The following ASIC1 variants were observed in gnomAD, a reference collection of about 807,000 sequenced individuals.
ASIC1 encodes acid sensing ion channel subunit 1.
Under a neutral mutation model 63.4 loss-of-function variants are expected in ASIC1, and 21 were observed. That is an observed-to-expected ratio of 0.33 (90% CI 0.23 to 0.48). The LOEUF (loss-of-function observed/expected upper bound fraction) is 0.48, where lower values mean the gene tolerates loss of function less well. Ranked by LOEUF, ASIC1 falls within the 20% of genes least tolerant of loss-of-function variation. ASIC1 has a pLI of 0.99. For missense variants in ASIC1, 478 were observed against 695.5 expected (o/e 0.69, Z 3.52); for synonymous variants, 258 against 278.2 (o/e 0.93, Z 0.72).
chr12:50,070,814 A>G (rs1950592183), intron 3 of ASIC1: 1 of 152,370 alleles, frequency 6.6e-6, no homozygotes, highest in African/African-American at 2.4e-5. Flanking sequence ...AGAGCTCAAG[A>G]TCTGGCAGGC....
At chr12:50,058,639 C>A in intron 1 of ASIC1, 112 bp from the exon 2 acceptor site, 2 of 1,359,968 alleles carry the variant, frequency 1.5e-6, no homozygotes, top group Non-Finnish European at 2.0e-6. Flanking sequence ...AGTCTTCTGC[C>A]CGAGGAGTGG....
intron 3 of ASIC1, among the ~76,000 whole-genome samples, chr12:50,063,664 G>A (rs796963417): frequency 3.2e-4 from 48 of 152,202 alleles, no homozygotes; most frequent in African/African-American, 1.1e-3. Flanking sequence ...AGCCTCCCCT[G>A]CAATCCACTG....
In ASIC1 at chr12:50,059,251, C is replaced by G. The variant is rs1950477902; in HGVS notation, c.362+123C>G. On this transcript the variant is annotated intron_variant, in intron 2 of 11. Transcript: ENST00000447966. This position sits in a 1 kb window ranked among gnomAD's most constrained non-coding sequence, Gnocchi z 4.6. ...CCTGCCCTTTAACCCACCCCCACCC[C>G]CAAACCTGCCACTCACAGCAGAGGA... 7.4e-7 allele frequency: 1 copy of G among 1,354,704 alleles called. No homozygotes were observed. Among genetic ancestry groups the G allele is most frequent in the Non-Finnish European group, 9.9e-7 (1 of 1,007,882 alleles). 83.9% of individuals were successfully genotyped at this position (1,354,704 alleles called of 1,614,324 possible).
chr12:50,075,047 C>T (rs1950640699), intron 3 of ASIC1, among the ~76,000 whole-genome samples: 1 of 152,000 alleles, frequency 6.6e-6, no homozygotes, highest in South Asian at 2.1e-4. Context: ...GCTTTCCCTG[C>T]TGGGGGGCCA....
intron 3 of ASIC1, among the ~76,000 whole-genome samples, chr12:50,069,286 TTATTTATTATTTA>T (rs1950576364): frequency 6.8e-6 from 1 of 146,310 alleles, no homozygotes; most frequent in Non-Finnish European, 1.5e-5. Context: ...ATTTATTTAT[TTATTTATTATTTA>T]ATTTATTTTT....
At chr12:50,069,240 CTTTA>C (rs533353275) in intron 3 of ASIC1, among the ~76,000 whole-genome samples, 129 of 149,010 alleles carry the variant, frequency 8.7e-4, no homozygotes, top group East Asian at 6.4e-3. Context: ...AATTACTCCT[CTTTA>C]TTTATTTTTT....
At chr12:50,073,433 G>A in intron 3 of ASIC1, 1 of 1,405,556 alleles carries the variant, frequency 7.1e-7, no homozygotes. Flanking sequence ...AGAGGCCCTG[G>A]TGAGGAAGGA....
intron 11 of ASIC1, 59 bp downstream of exon 11, chr12:50,081,423 C>A: frequency 6.7e-7 from 1 of 1,491,644 alleles, no homozygotes; most frequent in Admixed American, 2.0e-5. Context: ...CCCCAGGAAC[C>A]CCGTCCACCC....
rs1385902338 is a variant in ASIC1, at chr12:50,078,800, T to TG, written c.995-119dup. On this transcript the variant is annotated intron_variant, in intron 6 of 11. Transcript: ENST00000447966. This position sits in a 1 kb window ranked among gnomAD's most constrained non-coding sequence, Gnocchi z 6.0. The stretch of plus-strand genomic sequence containing the variant: ...GGAGTGGGTCACTTCTGGGGCAGCA[T>TG]GGGGGCCTGCCAGTCCTCCCTTCCC... The TG allele has an allele frequency of 7.4e-6, 10 of 1,346,610 alleles. No homozygotes were observed. In the African/African-American group the frequency reaches 1.3e-4, roughly 17 times the overall value. 83.4% of individuals were successfully genotyped at this position (1,346,610 alleles called of 1,614,324 possible).
Position 50,081,721 on chromosome 12 carries a change from C to T in ASIC1, c.*72C>T, listed in dbSNP as rs1361573913. The T allele has an allele frequency of 1.4e-6, 2 of 1,386,078 alleles. No homozygotes were observed. Among genetic ancestry groups the T allele is most frequent in the Non-Finnish European group, 2.0e-6 (2 of 997,972 alleles). The allele number at this position is 1,386,078 out of a possible 1,614,324, so 85.9% of individuals were successfully genotyped here. A position where few individuals can be genotyped will look rare whatever the true frequency, so the allele number is the denominator to read the frequency against. ...GAGCGAGGGGGCCCCCAGCTGCCTC[C>T]TCACATCTGCCCTGGGGACTCCCCA... On this transcript the variant is annotated 3_prime_UTR_variant, in exon 12 of 12. Transcript: ENST00000447966.
chr12:50,073,701 G>A lies in ASIC1; in HGVS notation c.559-3512G>A, dbSNP rs755486387. 2.2e-5 allele frequency: 34 copies of A among 1,536,400 alleles called. No homozygotes were observed. In the Admixed American group the frequency reaches 2.4e-4, roughly 11 times the overall value. On this transcript the variant is annotated intron_variant, in intron 3 of 11. Coordinates refer to ENST00000447966, the MANE Select transcript of ASIC1 (RefSeq NM_001095.4). ...AGCAGCAGCAGGACATCTCAGAATC[G>A]GAAGAGGAGGAAGAAGAGAAGGAAA...
At chr12:50,068,567 C>T (rs1219149037) in intron 3 of ASIC1, among the ~76,000 whole-genome samples, 1 of 152,044 alleles carries the variant, frequency 6.6e-6, no homozygotes, top group Non-Finnish European at 1.5e-5. Flanking sequence ...TATGTCTCAG[C>T]CCAGCTCTCT....
chr12:50,070,329 G>A (rs1481080903), intron 3 of ASIC1, among the ~76,000 whole-genome samples: 7 of 152,112 alleles, frequency 4.6e-5, no homozygotes, highest in East Asian at 1.9e-4. Flanking sequence ...GCATACAGGC[G>A]ATGGAGGAGA....
At chr12:50,067,661 C>T (rs898895798) in intron 3 of ASIC1, among the ~76,000 whole-genome samples, 4 of 152,140 alleles carry the variant, frequency 2.6e-5, no homozygotes, top group Non-Finnish European at 5.9e-5. Context: ...TCAGGTGATC[C>T]GCCTGTCTCG....
intron 3 of ASIC1, among the ~76,000 whole-genome samples, chr12:50,064,435 T>A (rs1950528333): frequency 6.6e-6 from 1 of 152,138 alleles, no homozygotes; most frequent in Admixed American, 6.5e-5. Context: ...CCTCTTCCCC[T>A]TCTCCCCAGA....
chr12:50,058,727 G>C, intron 1 of ASIC1, 24 bp from the exon 2 acceptor site: 1 of 1,546,622 alleles, frequency 6.5e-7, no homozygotes, highest in African/African-American at 1.4e-5. Flanking sequence ...GACAATGATA[G>C]ACTGTCCCTC....
chr12:50,058,951 C>G lies in ASIC1; in HGVS notation c.185C>G (p.Thr62Arg). Residue 62 changes from threonine to arginine, a missense_variant, in exon 2 of 12, where the codon ACG (threonine) becomes AGG (arginine). Transcript: ENST00000447966. ...GSLAVLLCVC[T>R]ERVQYYFHYH... The stretch of plus-strand genomic sequence containing the variant: ...CTGGCTGTGCTGCTGTGTGTGTGCA[C>G]GGAGCGTGTGCAGTACTACTTCCAC... The G allele has an allele frequency of 6.2e-7, 1 of 1,614,124 alleles. No homozygotes were observed. The highest frequency in any genetic ancestry group is 8.5e-7 in the Non-Finnish European group (1 of 1,179,992).
intron 3 of ASIC1, among the ~76,000 whole-genome samples, chr12:50,072,557 C>T (rs1565729149): frequency 6.6e-6 from 1 of 152,158 alleles, no homozygotes; most frequent in Non-Finnish European, 1.5e-5. Flanking sequence ...CTCTACCTGA[C>T]CCAGGTCCCC....
Position 50,059,190 on chromosome 12 carries a change from G to A in ASIC1, c.362+62G>A. 1.3e-6 allele frequency: 2 copies of A among 1,578,546 alleles called. No homozygotes were observed. Among genetic ancestry groups the A allele is most frequent in the Middle Eastern group, 2.0e-4 (1 of 4,932 alleles). On this transcript the variant is annotated intron_variant, in intron 2 of 11. Coordinates refer to ENST00000447966, the MANE Select transcript of ASIC1 (RefSeq NM_001095.4). The surrounding 1 kb of genome is among the most constrained non-coding windows in gnomAD (Gnocchi z 4.6). ...GAGTTGCTTGAGTTCCAGTCAGGAT[G>A]TCTGCCTCCCTGACCCACCATAGAG...
Sources: allele counts gnomAD v4.1 joint callset (sites outside exome capture counted in the v4.1 genomes callset), GRCh38; gene constraint gnomAD v4.1.1; non-coding constraint Gnocchi (gnomAD v3.1); transcripts MANE v1.5; gene names NCBI Gene and HGNC (gene_info 2026-07-23, HGNC 2026-07-21).